TRIM4: variants seen among roughly 807,000 people sequenced by gnomAD.
The protein encoded by TRIM4 is E3 ubiquitin-protein ligase TRIM4.
Under a neutral mutation model 33.7 loss-of-function variants are expected in TRIM4, and 29 were observed. The observed-to-expected ratio is 0.86, with a 90% CI of 0.64 to 1.17. TRIM4 has a LOEUF of 1.17. Ranked by LOEUF, TRIM4 falls within the 50% of genes most tolerant of loss-of-function variation. The probability of loss-of-function intolerance (pLI) is 0.00; values close to 1 mark genes in which losing one functional copy is unlikely to be tolerated. For missense variants in TRIM4, 554 were observed against 593.7 expected (o/e 0.93, Z 0.69); for synonymous variants, 224 against 233.0 (o/e 0.96, Z 0.35).
chr7:99,903,404 G>C lies in TRIM4; in HGVS notation c.744-89C>G. On this transcript the variant is annotated intron_variant, in intron 4 of 5. Transcript: ENST00000349062. ...TCAAAGGTTCTTAGCCCAAAGTTCA[G>C]ATGGCTTCTGTTCCCATTCCTCCTC... 4 of 1,353,792 alleles carry C rather than the reference G, an allele frequency of 3.0e-6. No individual in the cohort carries two copies. In the South Asian group the frequency reaches 3.7e-5, roughly 13 times the overall value. 83.9% of individuals were successfully genotyped at this position (1,353,792 alleles called of 1,614,324 possible).
At chr7:99,905,555 C>T (rs1432712147) in intron 3 of TRIM4, among the ~76,000 whole-genome samples, 1 of 152,106 alleles carries the variant, frequency 6.6e-6, no homozygotes, top group Non-Finnish European at 1.5e-5. Context: ...ACATTTTGGG[C>T]TGGATAAGTC....
intron 3 of TRIM4, among the ~76,000 whole-genome samples, chr7:99,906,971 A>G (rs1463428219): frequency 6.6e-6 from 1 of 152,242 alleles, no homozygotes; most frequent in Non-Finnish European, 1.5e-5. Context: ...GGAAAAAGAA[A>G]CAGGTAAAAT....
intron 5 of TRIM4, among the ~76,000 whole-genome samples, chr7:99,898,668 T>A (rs757051663): frequency 6.6e-6 from 1 of 152,210 alleles, no homozygotes; most frequent in Non-Finnish European, 1.5e-5. Context: ...GCTAAACATA[T>A]GGCTGCAGCC....
chr7:99,892,423 C>G lies in TRIM4; in HGVS notation c.1165G>C (p.Gly389Arg), dbSNP rs759653309. 1.2e-6 allele frequency: 2 copies of G among 1,614,096 alleles called. No individual in the cohort carries two copies. The highest frequency in any genetic ancestry group is 1.7e-6 in the Non-Finnish European group (2 of 1,180,010). Residue 389 changes from glycine (G) to arginine (R), a missense_variant, in exon 6 of 6, where the codon GGC becomes CGC. Around this residue, in one of 3 missense-constraint regions of TRIM4, gnomAD observed 290 missense variants for 335.8 expected, o/e 0.86. Coordinates refer to ENST00000349062, the MANE Select transcript of TRIM4 (RefSeq NM_033091.3). ...TDRSKMSPDV[G>R]IWAIYWSAAG... ...GCACTCCAATAAATCGCCCAGATGC[C>G]CACATCTGGGGACATTTTTGAACGA...
rs1272551411 is a variant in TRIM4 at position 99,908,687 on chromosome 7, C to G, written c.615G>C (p.Lys205Asn). The G allele has an allele frequency of 6.2e-7, 1 of 1,614,152 alleles. No homozygotes were observed. The highest frequency in any genetic ancestry group is 1.7e-5 in the Admixed American group (1 of 60,028). Residue 205 changes from lysine to asparagine, a missense_variant, in exon 3 of 6, where the codon AAG becomes AAC. By Grantham distance (94) the Lys-to-Asn change is moderately conservative. Transcript: ENST00000349062. Reference sequence around the variant, plus strand: ...TGAGTTTTAACGTGTTCTCATTCAGCTTCTTCTTCGTCTCTTCTTCTTCTT... The same window carrying G: ...TGAGTTTTAACGTGTTCTCATTCAGGTTCTTCTTCGTCTCTTCTTCTTCTT... Reference protein sequence around the residue: ...LNKEEEETKKKLNENTLKLNQ... With the variant: ...LNKEEEETKKNLNENTLKLNQ...
intron 1 of TRIM4, among the ~76,000 whole-genome samples, chr7:99,911,843 T>C (rs1330985043): frequency 6.6e-6 from 1 of 152,240 alleles, no homozygotes; most frequent in African/African-American, 2.4e-5. Context: ...AGAATATTCA[T>C]CGCAGCTTTA....
chr7:99,896,099 T>C (rs1819010528), intron 5 of TRIM4, among the ~76,000 whole-genome samples: 1 of 152,164 alleles, frequency 6.6e-6, no homozygotes, highest in Non-Finnish European at 1.5e-5. Flanking sequence ...TTTTCTGCCT[T>C]ATTTTTTATT....
intron 3 of TRIM4, among the ~76,000 whole-genome samples, chr7:99,904,886 G>A (rs971293158): frequency 2.6e-5 from 4 of 152,118 alleles, no homozygotes; most frequent in African/African-American, 9.6e-5. Flanking sequence ...ACAAAAATTA[G>A]ACAGGCATGA....
chr7:99,902,108 C>G (rs774733858), intron 5 of TRIM4: 1 of 765,274 alleles, frequency 1.3e-6, no homozygotes, highest in South Asian at 1.3e-5. Context: ...TGCCTGACGT[C>G]TGGTGCTTTG....
At chr7:99,893,106 C>T (rs1487625759) in intron 5 of TRIM4, among the ~76,000 whole-genome samples, 1 of 151,976 alleles carries the variant, frequency 6.6e-6, no homozygotes, top group Non-Finnish European at 1.5e-5. Flanking sequence ...AAAAAACAAA[C>T]AAACAAAAAA....
intron 1 of TRIM4, among the ~76,000 whole-genome samples, chr7:99,913,543 C>T (rs896422153): frequency 8.6e-5 from 13 of 151,944 alleles, no homozygotes; most frequent in East Asian, 1.9e-4. Flanking sequence ...TGGTGGCACA[C>T]GCCTGTAATC....
intron 1 of TRIM4, chr7:99,916,730 C>G: frequency 1.3e-6 from 1 of 781,026 alleles, no homozygotes; most frequent in South Asian, 1.3e-5. Flanking sequence ...CAAGAGCAGC[C>G]TAATTAGTCT....
chr7:99,918,999 G>A lies in TRIM4; in HGVS notation c.393+10C>T. 1.9e-6 allele frequency: 3 copies of A among 1,583,364 alleles called. No individual in the cohort carries two copies. The highest frequency in any genetic ancestry group is 1.7e-6 in the Non-Finnish European group (2 of 1,167,308). On this transcript the variant is annotated intron_variant, in intron 1 of 5. Coordinates refer to ENST00000349062, the MANE Select transcript of TRIM4 (RefSeq NM_033091.3). ...CAGCCCCGTCATAGTCACCGCGACG[G>A]CCAGCTCACCCGGTAGCTCTCGAAG...
At chr7:99,892,788 T>A in intron 5 of TRIM4, 42 bp from the exon 6 acceptor site, 24 of 1,509,178 alleles carry the variant, frequency 1.6e-5, no homozygotes, top group Non-Finnish European at 2.1e-5. Flanking sequence ...CAGCTTATCA[T>A]CAACCCTTCC....
intron 2 of TRIM4, 95 bp from the exon 3 acceptor site, chr7:99,908,907 A>G (rs896380886): frequency 1.7e-6 from 2 of 1,206,252 alleles, no homozygotes; most frequent in Admixed American, 4.7e-5. Flanking sequence ...GTCAATCCTA[A>G]TCAAACCCTC....
chr7:99,899,075 A>G (rs1335120655), intron 5 of TRIM4, among the ~76,000 whole-genome samples: 1 of 152,216 alleles, frequency 6.6e-6, no homozygotes, highest in Admixed American at 6.5e-5. Context: ...GCTGGACTGC[A>G]GTGTACGGCA....
intron 1 of TRIM4, among the ~76,000 whole-genome samples, chr7:99,916,056 T>G (rs2151653744): frequency 6.6e-6 from 1 of 152,282 alleles, no homozygotes; most frequent in South Asian, 2.1e-4. Flanking sequence ...ATTAAAGAAT[T>G]ACAGTATGAA....
chr7:99,896,878 G>C (rs1469885866), intron 5 of TRIM4, among the ~76,000 whole-genome samples: 2 of 152,276 alleles, frequency 1.3e-5, no homozygotes, highest in East Asian at 3.8e-4. Context: ...AGCTGTGGCA[G>C]CTGCAGTTGG....
At position 99,919,181 on chromosome 7, in the gene TRIM4, G is replaced by A; in HGVS notation, c.221C>T (p.Thr74Met). ...CACGGGGCCCAGGCGCCGGCGCTGC[G>A]TCTTCTCAGTCAGCCTGGCCAGGGC... The part of the protein sequence containing the change: ...NWALARLTEK[T>M]QRRRLGPVPP... Residue 74 changes from threonine (T) to methionine (M), a missense_variant, in exon 1 of 6, where the codon ACG becomes ATG. This residue lies in a region of TRIM4 where 233 missense variants were observed against 203.1 expected (regional missense o/e 1.15). Transcript: ENST00000349062. The A allele has an allele frequency of 6.8e-7, 1 of 1,475,594 alleles. No individual in the cohort carries two copies. The highest frequency in any genetic ancestry group is 1.3e-5 in the South Asian group (1 of 75,322). The allele number at this position is 1,475,594 out of a possible 1,614,324, so 91.4% of individuals were successfully genotyped here.
Sources: gnomAD v4.1 joint callset for allele counts (sites outside exome capture counted in the v4.1 genomes callset) on GRCh38, gnomAD v4.1.1 for gene constraint, gnomAD v4.1.1 regional missense constraint, MANE v1.5 for transcripts, NCBI Gene and HGNC (gene_info 2026-07-23, HGNC 2026-07-21) for gene names.